AVEN: variants seen among roughly 807,000 people sequenced by gnomAD.
AVEN encodes the protein cell death regulator Aven.
Under a neutral mutation model 38.1 loss-of-function variants are expected in AVEN, and 41 were observed. That is an observed-to-expected ratio of 1.08 (90% CI 0.84 to 1.40). The LOEUF (loss-of-function observed/expected upper bound fraction) is 1.40, where lower values mean the gene tolerates loss of function less well. Ranked by LOEUF, AVEN falls within the 40% of genes most tolerant of loss-of-function variation. The pLI is 0.00. For missense variants in AVEN, 605 were observed against 438.8 expected, an observed-to-expected ratio of 1.38 and a Z score of -3.38; for synonymous variants, 206 against 171.8, an observed-to-expected ratio of 1.20 and a Z score of -1.56.
chr15:33,860,455 A>G, intron 11 of AVEN: 1 of 544,784 alleles, frequency 1.8e-6, no homozygotes, highest in Non-Finnish European at 3.2e-6. Context: ...TAACACAAAG[A>G]AACACGAGTA....
chr15:33,882,341 G>C (rs7168937), intron 2 of AVEN, among the ~76,000 whole-genome samples: 5,854 of 152,178 alleles, frequency 0.038, 330 homozygotes, highest in South Asian at 0.13. Context: ...TGTACATGAA[G>C]AGTTCACATT....
chr15:33,858,438 C>G (rs548333745), downstream of AVEN, among the ~76,000 whole-genome samples: 2 of 152,208 alleles, frequency 1.3e-5, no homozygotes, highest in South Asian at 4.2e-4. Context: ...AACTCCCGAC[C>G]TCAGGTGATC....
intron 2 of AVEN, among the ~76,000 whole-genome samples, chr15:33,897,493 C>G (rs1347411422): frequency 6.6e-6 from 1 of 152,016 alleles, no homozygotes; most frequent in Non-Finnish European, 1.5e-5. Context: ...TGGTCTTGAA[C>G]CCCTGACCTC....
intron 2 of AVEN, among the ~76,000 whole-genome samples, chr15:33,921,553 G>T (rs1259765247): frequency 2.6e-5 from 4 of 152,208 alleles, no homozygotes; most frequent in Non-Finnish European, 5.9e-5. Flanking sequence ...CAAGAAAATG[G>T]AAGCCAAGAA....
At chr15:33,901,717 G>A (rs1008790999) in intron 2 of AVEN, among the ~76,000 whole-genome samples, 4 of 152,134 alleles carry the variant, frequency 2.6e-5, no homozygotes, top group Non-Finnish European at 4.4e-5. Flanking sequence ...ATGAACATGA[G>A]GTGGTATCTC....
intron 5 of AVEN, among the ~76,000 whole-genome samples, chr15:34,062,416 G>T (rs1396942836): frequency 6.6e-6 from 1 of 152,012 alleles, no homozygotes; most frequent in Non-Finnish European, 1.5e-5. Flanking sequence ...ATAGCTGGGC[G>T]TGGTGGTGGG....
rs75690421 is a variant in AVEN at position 34,025,757 on chromosome 15, C to T, written c.267+13023G>A. On this transcript the variant is annotated intron_variant, in intron 1 of 5. Transcript: ENST00000306730. ...GTGTTTTTGTTTTGGTTTGGTTTTGCGTGTGTGTGTGTGTTTGTGTGTGTG... is the reference window on the plus strand; with the variant it reads ...GTGTTTTTGTTTTGGTTTGGTTTTGTGTGTGTGTGTGTGTTTGTGTGTGTG... Among the ~76,000 whole-genome samples the T allele has an allele frequency of 6.5e-3, 862 of 133,060 alleles. 4 individuals carry two copies. Among genetic ancestry groups the T allele is most frequent in the Non-Finnish European group, 9.7e-3 (560 of 57,648 alleles). 87.3% of individuals were successfully genotyped at this position (133,060 alleles called of 152,430 possible).
At chr15:33,853,478 G>T in the AVEN span, 3 of 1,539,048 alleles carry the variant, frequency 1.9e-6, no homozygotes, top group Non-Finnish European at 2.6e-6. Flanking sequence ...GGGCAGCAAA[G>T]CTCTGAAGAC....
intron 2 of AVEN, among the ~76,000 whole-genome samples, chr15:33,961,288 C>T (rs537437682): frequency 5.9e-5 from 9 of 152,276 alleles, no homozygotes; most frequent in South Asian, 2.1e-4. Context: ...GGATTACAGG[C>T]GTGAGCCACC....
chr15:33,901,343 G>C (rs1831113587), intron 2 of AVEN, among the ~76,000 whole-genome samples: 1 of 152,144 alleles, frequency 6.6e-6, no homozygotes, highest in African/African-American at 2.4e-5. Flanking sequence ...TCACACACTA[G>C]AAGTCCACAT....
At chr15:34,071,233 C>T (rs1412551906) in intron 1 of AVEN, among the ~76,000 whole-genome samples, 1 of 152,132 alleles carries the variant, frequency 6.6e-6, no homozygotes, top group Non-Finnish European at 1.5e-5. Context: ...AAGAATGGCT[C>T]ATACTCAACT....
chr15:33,955,964 AC>A lies in AVEN; in HGVS notation c.445+47067del, dbSNP rs557858422. On this transcript the variant is annotated intron_variant, in intron 2 of 5. Coordinates refer to ENST00000306730, the MANE Select transcript of AVEN (RefSeq NM_020371.3). ...AGACAACTGAAGAATATATCTTTAA[AC>A]TATAATTTGTTAAGAGTGTTAAATT... is the stretch of plus-strand genomic sequence containing the variant. 1.0e-3 allele frequency among the ~76,000 whole-genome samples: 159 copies of A among 152,344 alleles called. 1 individual carries two copies. The highest frequency in any genetic ancestry group is 3.7e-3 in the African/African-American group (152 of 41,594).
chr15:33,933,522 CACAGAGAGAG>C (rs1379184404), intron 2 of AVEN, among the ~76,000 whole-genome samples: 148 of 53,162 alleles, frequency 2.8e-3, no homozygotes, highest in Middle Eastern at 0.01. Context: ...CACACACACA[CACAGAGAGAG>C]AGAGAGAGAG....
chr15:33,917,273 G>A (rs12591428), intron 2 of AVEN, among the ~76,000 whole-genome samples: 100,999 of 151,264 alleles, frequency 0.67, 33,864 homozygotes, highest in Middle Eastern at 0.74. Context: ...ACATACGTTT[G>A]TAGCAGCACA....
intron 2 of AVEN, chr15:33,969,014 G>C (rs915131333): frequency 1.3e-5 from 2 of 151,988 alleles, no homozygotes; most frequent in African/African-American, 4.8e-5. Context: ...CAGGAATACA[G>C]ATATAAAGAC....
At position 33,986,012 on chromosome 15, in the gene AVEN, T is replaced by C. The variant is rs866134916; in HGVS notation, c.445+17020A>G. The stretch of plus-strand genomic sequence containing the variant: ...CCCCCATGGAGGCAGAAATTCATGA[T>C]GGCATAACAAATTTAGGATTCTATT... On this transcript the variant is annotated intron_variant, in intron 2 of 5. Transcript: ENST00000306730. Among the ~76,000 whole-genome samples the C allele has an allele frequency of 4.6e-5, 7 of 152,208 alleles. No homozygotes were observed. In the South Asian group the frequency reaches 6.2e-4, roughly 14 times the overall value.
downstream of AVEN, chr15:33,854,560 C>A: frequency 1.8e-6 from 2 of 1,082,528 alleles, no homozygotes; most frequent in Non-Finnish European, 2.7e-6. Flanking sequence ...TATCAAAGAC[C>A]AAGAGCCTTA....
intron 2 of AVEN, among the ~76,000 whole-genome samples, chr15:34,001,102 C>T (rs568890096): frequency 4.7e-5 from 7 of 149,604 alleles, no homozygotes; most frequent in Admixed American, 1.3e-4. Context: ...CTCACTACAA[C>T]CCCCACCTCC....
At chr15:33,875,321 G>A (rs532899004) in intron 3 of AVEN, among the ~76,000 whole-genome samples, 43 of 152,280 alleles carry the variant, frequency 2.8e-4, no homozygotes, top group African/African-American at 9.4e-4. Flanking sequence ...CCTAAAAGGG[G>A]GAGAATATCT....
Sources: gnomAD v4.1 joint callset for allele counts (sites outside exome capture counted in the v4.1 genomes callset) on GRCh38, gnomAD v4.1.1 for gene constraint, MANE v1.5 for transcripts, NCBI Gene and HGNC (gene_info 2026-07-23, HGNC 2026-07-21) for gene names.